SND1: variants seen among roughly 807,000 people sequenced by gnomAD.
The protein encoded by SND1 is staphylococcal nuclease domain-containing protein 1.
SND1 carries 38 observed loss-of-function variants against 121.7 expected under a neutral mutation model. The observed-to-expected ratio is 0.31, with a 90% confidence interval of 0.24 to 0.41. The LOEUF is 0.41. Ranked by LOEUF, SND1 falls within the 10% of genes least tolerant of loss-of-function variation. The probability of loss-of-function intolerance (pLI) is 1.00; values close to 1 mark genes in which losing one functional copy is unlikely to be tolerated. For missense variants in SND1, 868 were observed against 1,184.6 expected (o/e 0.73, Z 3.92); for synonymous variants, 401 against 447.4 (o/e 0.90, Z 1.31).
At chr7:127,739,632 T>C (rs924183379) in intron 10 of SND1, among the ~76,000 whole-genome samples, 1 of 152,198 alleles carries the variant, frequency 6.6e-6, no homozygotes, top group Non-Finnish European at 1.5e-5. Flanking sequence ...TTAGGGCATA[T>C]GGTGCATTAG....
At chr7:127,908,405 TAACCA>T (rs1800391428) in intron 14 of SND1, among the ~76,000 whole-genome samples, 1 of 150,842 alleles carries the variant, frequency 6.6e-6, no homozygotes, top group Non-Finnish European at 1.5e-5. Flanking sequence ...ATTTTTAGGG[TAACCA>T]CTAAAGGAAG....
chr7:128,066,001 T>C (rs1385407922), intron 16 of SND1, among the ~76,000 whole-genome samples: 2 of 152,196 alleles, frequency 1.3e-5, no homozygotes, highest in Non-Finnish European at 2.9e-5. Context: ...CCTGGGAAGA[T>C]GAACAGTCTG....
rs549326020 is a variant in SND1, at chr7:127,788,012, C to T, written c.1153-19472C>T. 3.3e-5 allele frequency among the ~76,000 whole-genome samples: 5 copies of T among 152,250 alleles called. No individual in the cohort carries two copies. The South Asian group carries it at 8.3e-4, about 25-fold the overall frequency. On this transcript the variant is annotated intron_variant, in intron 10 of 23. Transcript: ENST00000354725. ...CATATATTCTCACTAGTAGGCGAAA[C>T]GGGTGCTGCTTTGATTTCTCACACC...
At chr7:127,910,312 C>G (rs554520831) in intron 14 of SND1, among the ~76,000 whole-genome samples, 1 of 152,016 alleles carries the variant, frequency 6.6e-6, no homozygotes, top group Admixed American at 6.5e-5. Flanking sequence ...GGCGTGGTCG[C>G]GGGCACCTGT....
intron 12 of SND1, chr7:127,858,343 C>T: frequency 7.5e-7 from 1 of 1,336,534 alleles, no homozygotes. Flanking sequence ...CTCGGGCCCC[C>T]AGATGCCTCA....
At chr7:127,991,535 T>C (rs1225852678) in intron 16 of SND1, among the ~76,000 whole-genome samples, 1 of 152,246 alleles carries the variant, frequency 6.6e-6, no homozygotes, top group Non-Finnish European at 1.5e-5. Flanking sequence ...GGAGTTAGGA[T>C]CTCAGCTGCT....
At chr7:128,000,099 G>C (rs1398027058) in intron 16 of SND1, 1 of 118,888 alleles carries the variant, frequency 8.4e-6, no homozygotes, top group Non-Finnish European at 1.8e-5. Context: ...AAAAAAAAAA[G>C]GTGGAAGCTA....
intron 14 of SND1, among the ~76,000 whole-genome samples, chr7:127,912,379 A>G (rs2116781606): frequency 6.6e-6 from 1 of 152,262 alleles, no homozygotes; most frequent in East Asian, 1.9e-4. Flanking sequence ...AGGGCACCCA[A>G]TTTAGGACAT....
chr7:127,979,060 A>G (rs1802197202), intron 15 of SND1, among the ~76,000 whole-genome samples: 2 of 152,192 alleles, frequency 1.3e-5, no homozygotes, highest in Non-Finnish European at 2.9e-5. Context: ...GAAAGGGGCA[A>G]ATAGTAAATA....
chr7:127,684,900 A>G (rs1795786718), intron 1 of SND1, among the ~76,000 whole-genome samples: 1 of 151,666 alleles, frequency 6.6e-6, no homozygotes, highest in Non-Finnish European at 1.5e-5. Context: ...TAAATATTGT[A>G]TATTGGAATG....
At chr7:128,089,448 GT>G in intron 21 of SND1, 40 bp from the exon 22 acceptor site, 1 of 1,567,226 alleles carries the variant, frequency 6.4e-7, no homozygotes, top group Non-Finnish European at 8.7e-7. Flanking sequence ...CCAAGTGGTT[GT>G]TCTCTGGCTT....
chr7:127,835,163 C>T (rs60467610), intron 11 of SND1, among the ~76,000 whole-genome samples: 2 of 152,280 alleles, frequency 1.3e-5, no homozygotes, highest in Admixed American at 6.5e-5. Context: ...ATCCCCTTCC[C>T]CCCACTAATT....
chr7:128,029,162 C>A lies in SND1; in HGVS notation c.1779+38106C>A. Reference sequence around the variant, plus strand: ...TGGGCACACGGGTAGTCTGAATGAGCACCGTGGTAGAGGTGGTATATGCCG... The same window carrying A: ...TGGGCACACGGGTAGTCTGAATGAGAACCGTGGTAGAGGTGGTATATGCCG... On this transcript the variant is annotated intron_variant, in intron 16 of 23. Coordinates refer to ENST00000354725, the MANE Select transcript of SND1 (RefSeq NM_014390.4). The surrounding 1 kb of genome is among the most constrained non-coding windows in gnomAD (Gnocchi z 4.2). 1 of 1,614,072 alleles carries A rather than the reference C, an allele frequency of 6.2e-7. No individual in the cohort carries two copies. The highest frequency in any genetic ancestry group is 8.5e-7 in the Non-Finnish European group (1 of 1,180,014).
intron 22 of SND1, among the ~76,000 whole-genome samples, chr7:128,091,001 A>G (rs542059930): frequency 7.0e-4 from 106 of 152,294 alleles, no homozygotes; most frequent in African/African-American, 2.6e-3. Flanking sequence ...TCATTTATTT[A>G]TTCATTCTAT....
intron 16 of SND1, among the ~76,000 whole-genome samples, chr7:128,050,523 T>C (rs1793027486): frequency 6.6e-6 from 1 of 152,212 alleles, no homozygotes; most frequent in Non-Finnish European, 1.5e-5. Flanking sequence ...TTATTGCTGG[T>C]ATAAAATCTG....
intron 1 of SND1, among the ~76,000 whole-genome samples, chr7:127,685,505 G>A (rs1199229500): frequency 6.6e-6 from 1 of 152,158 alleles, no homozygotes; most frequent in South Asian, 2.1e-4. Flanking sequence ...GAGTCTCTTC[G>A]CAAAGACAAT....
intron 14 of SND1, among the ~76,000 whole-genome samples, chr7:127,908,308 AT>A (rs1379731448): frequency 1.1e-3 from 149 of 139,222 alleles, no homozygotes; most frequent in African/African-American, 3.6e-3. Context: ...CAAAAAAAAA[AT>A]AATAATAAAT....
intron 5 of SND1, 56 bp from the exon 6 acceptor site, chr7:127,702,379 G>A (rs1796119986): frequency 6.6e-7 from 1 of 1,513,698 alleles, no homozygotes; most frequent in Admixed American, 1.7e-5. Context: ...ATTGGGCAGT[G>A]TTTATCCTTG....
At chr7:127,703,934 A>T (rs2116344675) in intron 7 of SND1, among the ~76,000 whole-genome samples, 1 of 152,234 alleles carries the variant, frequency 6.6e-6, no homozygotes, top group African/African-American at 2.4e-5. Context: ...AAATTTGTAG[A>T]ATAGGGTTGA....
Sources: allele counts gnomAD v4.1 joint callset (sites outside exome capture counted in the v4.1 genomes callset), GRCh38; gene constraint gnomAD v4.1.1; non-coding constraint Gnocchi (gnomAD v3.1); transcripts MANE v1.5; gene names NCBI Gene and HGNC (gene_info 2026-07-23, HGNC 2026-07-21).